L3MBTL4: variants seen among roughly 807,000 people sequenced by gnomAD.
The protein encoded by L3MBTL4 is lethal(3)malignant brain tumor-like protein 4.
L3MBTL4 carries 70 observed loss-of-function variants against 84.5 expected under a neutral mutation model. That is an observed-to-expected ratio of 0.83 (90% CI 0.68 to 1.01). L3MBTL4 has a LOEUF of 1.01. Ranked by LOEUF, L3MBTL4 falls within the 50% of genes least tolerant of loss-of-function variation. The probability of loss-of-function intolerance (pLI) is 0.00; values close to 1 mark genes in which losing one functional copy is unlikely to be tolerated. For missense variants in L3MBTL4, 715 were observed against 754.8 expected, an observed-to-expected ratio of 0.95 and a Z score of 0.62; for synonymous variants, 274 against 259.8, an observed-to-expected ratio of 1.05 and a Z score of -0.52.
At chr18:6,122,569 TG>T (rs2059565549) in intron 14 of L3MBTL4, among the ~76,000 whole-genome samples, 1 of 152,246 alleles carries the variant, frequency 6.6e-6, no homozygotes, top group African/African-American at 2.4e-5. Flanking sequence ...TGCTCTTCCT[TG>T]CCTTCCACCA....
At chr18:6,074,116 A>C (rs1339905957) in intron 16 of L3MBTL4, among the ~76,000 whole-genome samples, 2 of 151,870 alleles carry the variant, frequency 1.3e-5, no homozygotes, top group African/African-American at 4.8e-5. Context: ...TTTCTGTGGG[A>C]CATCTTCATG....
rs116854671 is a variant in L3MBTL4 at position 6,297,119 on chromosome 18, G to A, written c.127+4784C>T. Among the ~76,000 whole-genome samples the A allele has an allele frequency of 4.4e-3, 667 of 152,264 alleles. 4 individuals are homozygous for A. The highest frequency in any genetic ancestry group is 9.2e-3 in the Admixed American group (140 of 15,292). On this transcript the variant is annotated intron_variant, in intron 4 of 18. Coordinates refer to ENST00000317931, the MANE Select transcript of L3MBTL4 (RefSeq NM_001330559.2). ...CAATATTAGTGATTATCCATGAGGC[G>A]CTGGTGAGCTACACAAGAATAGTTT... is the stretch of plus-strand genomic sequence containing the variant.
chr18:6,342,036 G>A (rs1355481399), intron 1 of L3MBTL4, among the ~76,000 whole-genome samples: 1 of 152,030 alleles, frequency 6.6e-6, no homozygotes, highest in Non-Finnish European at 1.5e-5. Flanking sequence ...ACAACAAAAG[G>A]TGTCCTTAAG....
At chr18:6,244,183 C>T (rs1287169639) in intron 6 of L3MBTL4, among the ~76,000 whole-genome samples, 1 of 152,112 alleles carries the variant, frequency 6.6e-6, no homozygotes, top group African/African-American at 2.4e-5. Context: ...TGAATAAGTA[C>T]ATCTCTGTTA....
intron 16 of L3MBTL4, among the ~76,000 whole-genome samples, chr18:6,035,991 A>G (rs1461720814): frequency 2.6e-5 from 4 of 152,156 alleles, no homozygotes; most frequent in Non-Finnish European, 5.9e-5. Flanking sequence ...TTCTTGGTTG[A>G]CAGTATCTTT....
At chr18:6,232,659 A>G (rs2047045907) in intron 10 of L3MBTL4, among the ~76,000 whole-genome samples, 1 of 152,092 alleles carries the variant, frequency 6.6e-6, no homozygotes. Flanking sequence ...TTGCTCACAC[A>G]AGGTTCACAG....
chr18:6,211,359 T>C (rs181053952), intron 12 of L3MBTL4, among the ~76,000 whole-genome samples: 5 of 152,296 alleles, frequency 3.3e-5, no homozygotes, highest in Admixed American at 2.0e-4. Flanking sequence ...AAGCATCTAT[T>C]ATGTGCTGGG....
At chr18:5,968,121 G>C (rs992622893) in intron 17 of L3MBTL4, among the ~76,000 whole-genome samples, 6 of 152,206 alleles carry the variant, frequency 3.9e-5, no homozygotes, top group Admixed American at 6.5e-5. Flanking sequence ...GCCCAAGGCT[G>C]GGAAGGCGGA....
intron 4 of L3MBTL4, among the ~76,000 whole-genome samples, chr18:6,291,494 A>G (rs1233804906): frequency 2.0e-5 from 3 of 152,218 alleles, no homozygotes; most frequent in Non-Finnish European, 4.4e-5. Context: ...TGGCATAGAA[A>G]CAGACACACA....
intron 14 of L3MBTL4, among the ~76,000 whole-genome samples, chr18:6,121,183 G>A (rs534901386): frequency 6.2e-4 from 95 of 152,274 alleles, no homozygotes; most frequent in African/African-American, 2.1e-3. Flanking sequence ...TTAGTAAGCA[G>A]CATGTTCATT....
At chr18:5,967,121 C>A (rs1598306799) in intron 17 of L3MBTL4, among the ~76,000 whole-genome samples, 1 of 152,250 alleles carries the variant, frequency 6.6e-6, no homozygotes, top group African/African-American at 2.4e-5. Flanking sequence ...CCCAGAACGG[C>A]TCTGTCCAGC....
chr18:5,980,101 C>T (rs879937325), intron 16 of L3MBTL4, among the ~76,000 whole-genome samples: 4 of 151,824 alleles, frequency 2.6e-5, no homozygotes, highest in Admixed American at 1.3e-4. Context: ...TAGGCACCGC[C>T]GAGGGCTCCC....
intron 16 of L3MBTL4, among the ~76,000 whole-genome samples, chr18:5,993,798 T>C (rs1423755283): frequency 6.6e-6 from 1 of 152,220 alleles, no homozygotes; most frequent in Admixed American, 6.5e-5. Context: ...ACAATGTGAA[T>C]AGATACTGTA....
intron 1 of L3MBTL4, among the ~76,000 whole-genome samples, chr18:6,379,509 G>C (rs1463326018): frequency 2.0e-5 from 3 of 152,108 alleles, no homozygotes. Flanking sequence ...CTAGTTTATT[G>C]AAAGTTTTTA....
At chr18:6,383,781 A>T (rs2054699781) in intron 1 of L3MBTL4, among the ~76,000 whole-genome samples, 1 of 152,178 alleles carries the variant, frequency 6.6e-6, no homozygotes, top group South Asian at 2.1e-4. Context: ...AATCCCTATT[A>T]AATCGTGTTT....
At chr18:6,214,275 C>T (rs141534944) in intron 11 of L3MBTL4, among the ~76,000 whole-genome samples, 1 of 152,210 alleles carries the variant, frequency 6.6e-6, no homozygotes, top group East Asian at 1.9e-4. Flanking sequence ...CTGAGGTGAT[C>T]TTGCTAGGAA....
intron 16 of L3MBTL4, among the ~76,000 whole-genome samples, chr18:6,024,300 A>G (rs957454449): frequency 6.6e-6 from 1 of 152,234 alleles, no homozygotes; most frequent in African/African-American, 2.4e-5. Flanking sequence ...CATGTTTTAT[A>G]TGGAGTTGAT....
intron 13 of L3MBTL4, among the ~76,000 whole-genome samples, chr18:6,169,196 T>G (rs1216111515): frequency 6.6e-6 from 1 of 152,146 alleles, no homozygotes; most frequent in East Asian, 1.9e-4. Context: ...CTGGAGAGGA[T>G]GTGGAGAAAT....
At chr18:6,225,124 C>A (rs144330949) in intron 10 of L3MBTL4, among the ~76,000 whole-genome samples, 31 of 152,272 alleles carry the variant, frequency 2.0e-4, no homozygotes, top group African/African-American at 6.5e-4. Context: ...CGCTCCCTAA[C>A]AATGATCATA....
Sources: allele counts gnomAD v4.1 joint callset (sites outside exome capture counted in the v4.1 genomes callset), GRCh38; gene constraint gnomAD v4.1.1; transcripts MANE v1.5; gene names NCBI Gene and HGNC (gene_info 2026-07-23, HGNC 2026-07-21).